FOCAD: variants seen among roughly 807,000 people sequenced by gnomAD.
FOCAD encodes KIAA1797.
FOCAD carries 198 observed loss-of-function variants against 225.6 expected under a neutral mutation model. That is an observed-to-expected ratio of 0.88 (90% confidence interval 0.78 to 0.99). The LOEUF is 0.99. Among genes scored for constraint, FOCAD ranks in the 50% least tolerant of loss-of-function variants. FOCAD has a pLI of 0.00. For synonymous variants in FOCAD, 897 were observed against 755.0 expected (o/e 1.19, Z -3.08); for missense variants, 2,713 against 2,123.6 (o/e 1.28, Z -5.46).
At chr9:20,684,868 C>T (rs1406368852) in intron 1 of FOCAD, among the ~76,000 whole-genome samples, 1 of 152,232 alleles carries the variant, frequency 6.6e-6, no homozygotes, top group Non-Finnish European at 1.5e-5. Context: ...TCCGCACTTG[C>T]GGCAATTACT....
intron 1 of FOCAD, among the ~76,000 whole-genome samples, chr9:20,708,248 G>A (rs1183664933): frequency 2.6e-5 from 4 of 152,142 alleles, no homozygotes; most frequent in African/African-American, 9.7e-5. Flanking sequence ...TTGTTTAAAA[G>A]TATGGTTTTA....
intron 3 of FOCAD, 38 bp downstream of exon 3, chr9:20,717,906 A>G (rs1254384088): frequency 6.6e-7 from 1 of 1,514,780 alleles, no homozygotes; most frequent in East Asian, 2.3e-5. Context: ...CTCTTCAGAT[A>G]AGATTGCTAC....
chr9:20,662,656 C>A (rs541037026), intron 2 of FOCAD, among the ~76,000 whole-genome samples: 1 of 151,966 alleles, frequency 6.6e-6, no homozygotes, highest in East Asian at 1.9e-4. Context: ...GTGGGGGTCT[C>A]ATTATATTGC....
At chr9:20,797,269 G>C (rs1002790835) in intron 11 of FOCAD, among the ~76,000 whole-genome samples, 18 of 152,056 alleles carry the variant, frequency 1.2e-4, no homozygotes, top group African/African-American at 3.6e-4. Flanking sequence ...CAGCTTTGTT[G>C]TTTTGGCTTA....
chr9:20,915,933 C>T (rs1000360959), intron 23 of FOCAD, among the ~76,000 whole-genome samples: 23 of 152,102 alleles, frequency 1.5e-4, no homozygotes, highest in South Asian at 4.1e-4. Flanking sequence ...TTTAGGAATA[C>T]GGAAATTAAA....
chr9:20,825,112 T>C (rs766516695), intron 15 of FOCAD, among the ~76,000 whole-genome samples: 5 of 151,670 alleles, frequency 3.3e-5, no homozygotes. Context: ...TAGTAATATA[T>C]CTTTCTGTTT....
chr9:20,965,923 T>C (rs923144459), intron 35 of FOCAD, among the ~76,000 whole-genome samples: 4 of 152,188 alleles, frequency 2.6e-5, no homozygotes, highest in Non-Finnish European at 4.4e-5. Context: ...ATTTTATTTA[T>C]GCATCAGTTT....
intron 15 of FOCAD, among the ~76,000 whole-genome samples, chr9:20,855,789 A>C (rs567247077): frequency 1.5e-5 from 2 of 134,972 alleles, no homozygotes; most frequent in African/African-American, 5.5e-5. Context: ...TTTTACCCCT[A>C]TATTCTTTTT....
At chr9:20,824,818 G>T (rs899107739) in intron 15 of FOCAD, among the ~76,000 whole-genome samples, 1 of 152,012 alleles carries the variant, frequency 6.6e-6, no homozygotes, top group South Asian at 2.1e-4. Flanking sequence ...ATTAGAAAAA[G>T]AATGCTTATT....
At chr9:20,975,494 A>G (rs1389847369) in intron 35 of FOCAD, among the ~76,000 whole-genome samples, 1 of 152,204 alleles carries the variant, frequency 6.6e-6, no homozygotes, top group East Asian at 1.9e-4. Flanking sequence ...GTCTAGGACT[A>G]CAGAGACTAG....
Position 20,813,700 on chromosome 9 carries a change from G to A in FOCAD, c.1456-6096G>A, listed in dbSNP as rs143024434. On this transcript the variant is annotated intron_variant, in intron 11 of 43. Transcript: ENST00000338382. ...GTGTGCACCTGAGAGAGAACATGCT[G>A]TTGCTGTTGGGTAGAACGTTCTATG... Among the ~76,000 whole-genome samples, 110 of 152,290 alleles carry A rather than the reference G, an allele frequency of 7.2e-4. No homozygotes were observed. The East Asian group carries it at 0.014, about 20-fold the overall frequency.
At chr9:20,694,214 C>G (rs1191695854) in intron 1 of FOCAD, among the ~76,000 whole-genome samples, 2 of 152,194 alleles carry the variant, frequency 1.3e-5, no homozygotes, top group Non-Finnish European at 2.9e-5. Context: ...AAGGAATAGT[C>G]TAGGGCAGAA....
intron 18 of FOCAD, among the ~76,000 whole-genome samples, chr9:20,872,612 T>C (rs182457237): frequency 6.6e-6 from 1 of 151,544 alleles, no homozygotes; most frequent in Non-Finnish European, 1.5e-5. Flanking sequence ...TTCCTTCCTT[T>C]CTTTTCTCTT....
intron 5 of FOCAD, among the ~76,000 whole-genome samples, chr9:20,744,078 TAAG>T (rs1378951693): frequency 6.6e-6 from 1 of 152,104 alleles, no homozygotes; most frequent in Non-Finnish European, 1.5e-5. Flanking sequence ...AGAGAAAATG[TAAG>T]AGATCATGGG....
chr9:20,719,510 T>C (rs2131538147), intron 3 of FOCAD, among the ~76,000 whole-genome samples: 1 of 152,306 alleles, frequency 6.6e-6, no homozygotes, highest in East Asian at 1.9e-4. Context: ...TGTTCTTTTT[T>C]TTTTATAATA....
At chr9:20,938,648 A>G (rs200988809) in intron 28 of FOCAD, among the ~76,000 whole-genome samples, 13 of 152,148 alleles carry the variant, frequency 8.5e-5, no homozygotes, top group African/African-American at 2.9e-4. Context: ...GTTAATGGGT[A>G]CAGCACACCA....
chr9:20,864,826 T>A (rs1381466844), intron 16 of FOCAD, among the ~76,000 whole-genome samples: 1 of 152,134 alleles, frequency 6.6e-6, no homozygotes, highest in Non-Finnish European at 1.5e-5. Flanking sequence ...TTTGAGTACC[T>A]ATTCAATCCC....
At chr9:20,757,369 C>G (rs1002670813) in intron 5 of FOCAD, among the ~76,000 whole-genome samples, 1 of 152,152 alleles carries the variant, frequency 6.6e-6, no homozygotes, top group Non-Finnish European at 1.5e-5. Context: ...TAAAATAACT[C>G]ATGGTTGTAC....
chr9:20,890,505 A>C (rs1161697466), intron 21 of FOCAD, among the ~76,000 whole-genome samples: 2 of 151,864 alleles, frequency 1.3e-5, no homozygotes, highest in East Asian at 3.9e-4. Flanking sequence ...ATGTAAACCA[A>C]CCTTGCATTC....
Sources: gnomAD v4.1 joint callset for allele counts (sites outside exome capture counted in the v4.1 genomes callset) on GRCh38, gnomAD v4.1.1 for gene constraint, MANE v1.5 for transcripts, NCBI Gene and HGNC (gene_info 2026-07-23, HGNC 2026-07-21) for gene names.